TSC1: variants seen among roughly 807,000 people sequenced by gnomAD.
The protein encoded by TSC1 is hamartin.
A neutral mutation model predicts 124.3 loss-of-function variants in TSC1; 20 were observed. The ratio of observed to expected loss-of-function variants is 0.16; its 90% confidence interval spans 0.11 to 0.23. The LOEUF (loss-of-function observed/expected upper bound fraction) is 0.23. TSC1 is among the 10% of genes least tolerant of loss of function. The pLI is 1.00. For synonymous variants in TSC1, 493 were observed against 539.1 expected, an observed-to-expected ratio of 0.91 and a Z score of 1.19; for missense variants, 1,124 against 1,448.5, an observed-to-expected ratio of 0.78 and a Z score of 3.64.
In TSC1 at chr9:132,895,183, C is replaced by T. The variant is rs562950766; in HGVS notation, c.*1052G>A. The stretch of plus-strand genomic sequence containing the variant: ...TAGCCTAGAACCTGCTACAGTGAGG[C>T]AACCCTAATGGCCTGGGAAATGATG... On this transcript the variant is annotated 3_prime_UTR_variant, in exon 23 of 23. Transcript: ENST00000298552. The T allele has an allele frequency of 7.3e-5, 17 of 233,266 alleles. No individual in the cohort carries two copies. In the East Asian group the frequency reaches 9.1e-4, roughly 12 times the overall value. The allele number at this position is 233,266 out of a possible 1,614,324, so 14.4% of individuals were successfully genotyped here.
intron 4 of TSC1, chr9:132,926,970 C>A: frequency 2.0e-6 from 1 of 499,414 alleles, no homozygotes; most frequent in South Asian, 2.0e-5. Context: ...CCACACCCGG[C>A]CCAAACAAGA....
chr9:132,898,929 CCTTTT>C (rs928193639), intron 20 of TSC1: 3 of 152,370 alleles, frequency 2.0e-5, no homozygotes, highest in Non-Finnish European at 2.9e-5. Context: ...GTTTTCTTTT[CCTTTT>C]CTTTTTTTTG....
chr9:132,902,608 T>C lies in TSC1; in HGVS notation c.2388A>G (p.Leu796=). Residue 796 remains leucine (L), a synonymous_variant, in exon 18 of 23, where the codon TTA becomes TTG. Transcript: ENST00000298552. This position sits in a 1 kb window ranked among gnomAD's most constrained non-coding sequence, Gnocchi z 5.2. ...REEFYNQSQE[L]QTKLEDCRNM... is the part of the protein sequence containing the mutation. ...TGCCTGGTGCTGCAGTTTATACCTGTAATTCCTGGCTCTGGTTGTAGAATT... is the reference window on the plus strand; with the variant it reads ...TGCCTGGTGCTGCAGTTTATACCTGCAATTCCTGGCTCTGGTTGTAGAATT... The C allele has an allele frequency of 1.9e-6, 3 of 1,613,940 alleles. No homozygotes were observed. The highest frequency in any genetic ancestry group is 2.5e-6 in the Non-Finnish European group (3 of 1,180,032).
At chr9:132,908,587 C>T (rs1845785297) in intron 12 of TSC1, among the ~76,000 whole-genome samples, 1 of 151,358 alleles carries the variant, frequency 6.6e-6, no homozygotes. Flanking sequence ...TTAGCTGGGA[C>T]TACAGATGCA....
chr9:132,936,761 T>C (rs768726566), intron 1 of TSC1, among the ~76,000 whole-genome samples: 1 of 152,182 alleles, frequency 6.6e-6, no homozygotes, highest in African/African-American at 2.4e-5. Flanking sequence ...TGCTCAGAAC[T>C]GGTAAGATTT....
chr9:132,903,698 G>A lies in TSC1; in HGVS notation c.2161C>T (p.Arg721Cys), dbSNP rs763357144. The A allele has an allele frequency of 8.7e-6, 14 of 1,612,926 alleles. No individual in the cohort carries two copies. The highest frequency in any genetic ancestry group is 3.3e-5 in the Admixed American group (2 of 60,008). ...QHALRNRRLL[R>C]KVIKAAALEE... ...AGAGCTGCTGCTTTGATCACCTTGC[G>A]GAGGAGCCGCCTGTTCCGGAGGGCA... The change falls in exon 17 of 23, where the codon CGC becomes TGC. Residue 721 changes from arginine (R) to cysteine (C), a missense_variant. This residue lies in a region of TSC1 where 321 missense variants were observed against 397.4 expected (regional missense o/e 0.81). Coordinates refer to ENST00000298552, the MANE Select transcript of TSC1 (RefSeq NM_000368.5). The surrounding 1 kb of genome is among the most constrained non-coding windows in gnomAD (Gnocchi z 5.9).
chr9:132,899,782 A>C (rs1195243270), intron 20 of TSC1: 1 of 152,216 alleles, frequency 6.6e-6, no homozygotes, highest in Non-Finnish European at 1.5e-5. Flanking sequence ...GACTCCTTGG[A>C]GGCCGCCCAT....
rs1322586198 is a variant in TSC1, at chr9:132,921,408, G to A, written c.692C>T (p.Pro231Leu). 5.6e-6 allele frequency: 9 copies of A among 1,613,960 alleles called. No homozygotes were observed. Among genetic ancestry groups the A allele is most frequent in the East Asian group, 2.2e-5 (1 of 44,876 alleles). The change falls in exon 8 of 23, where the codon CCG becomes CTG. Residue 231 changes from proline (P) to leucine (L), a missense_variant. Pro to Leu is a moderately conservative substitution (Grantham distance 98, BLOSUM62 -3). Coordinates refer to ENST00000298552, the MANE Select transcript of TSC1 (RefSeq NM_000368.5). This position sits in a 1 kb window ranked among gnomAD's most constrained non-coding sequence, Gnocchi z 4.3. ...KPMMEHVRIH[P>L]ELVTGSKDHE... ...GTCCTTGGATCCAGTCACTAATTCC[G>A]GATGAATTCGCACATGCTCCATCAT...
chr9:132,936,972 T>C (rs935871274), intron 1 of TSC1, among the ~76,000 whole-genome samples: 5 of 152,252 alleles, frequency 3.3e-5, no homozygotes, highest in Non-Finnish European at 7.3e-5. Flanking sequence ...AGAGTAATTA[T>C]ATTTCCACGT....
At chr9:132,925,111 C>T (rs1157613210) in intron 5 of TSC1, 1 of 169,646 alleles carries the variant, frequency 5.9e-6, no homozygotes, top group East Asian at 1.6e-4. Flanking sequence ...TAGAAAAATG[C>T]ACTAAATTTA....
At chr9:132,942,998 T>C (rs1847819458) in intron 1 of TSC1, among the ~76,000 whole-genome samples, 1 of 152,220 alleles carries the variant, frequency 6.6e-6, no homozygotes, top group South Asian at 2.1e-4. Flanking sequence ...CTCAGGAATG[T>C]TCAATTTAAG....
chr9:132,899,608 T>C (rs991395738), intron 20 of TSC1: 2 of 152,284 alleles, frequency 1.3e-5, no homozygotes, highest in African/African-American at 4.8e-5. Flanking sequence ...TTCCAAATAG[T>C]TGGCACTGTA....
In TSC1 at chr9:132,894,773, G is replaced by A. The variant is rs538239408; in HGVS notation, c.*1462C>T. ...GGCACTAAGATTTCGTACCGTGACA[G>A]TTTTTTACCTCTTTATGACTGAATC... On this transcript the variant is annotated 3_prime_UTR_variant, in exon 23 of 23. Transcript: ENST00000298552. The A allele has an allele frequency of 4.5e-6, 1 of 220,442 alleles. No homozygotes were observed. The highest frequency in any genetic ancestry group is 1.9e-4 in the South Asian group (1 of 5,374). The allele number at this position is 220,442 out of a possible 1,614,324, so 13.7% of individuals were successfully genotyped here. A position where few individuals can be genotyped will look rare whatever the true frequency, so the allele number is the denominator to read the frequency against.
At chr9:132,937,441 T>C (rs557038086) in intron 1 of TSC1, among the ~76,000 whole-genome samples, 2 of 152,276 alleles carry the variant, frequency 1.3e-5, no homozygotes, top group African/African-American at 4.8e-5. Flanking sequence ...AAAACTCCGT[T>C]TCAAAATAAA....
chr9:132,899,500 G>C (rs1398853560), intron 20 of TSC1: 1 of 152,258 alleles, frequency 6.6e-6, no homozygotes. Context: ...GTTCTTCACT[G>C]TTAAGCCAGT....
In TSC1 at chr9:132,894,746, T is replaced by C. The variant is rs1456106671; in HGVS notation, c.*1489A>G. Reference sequence around the variant, plus strand: ...TCATTCTCTCTGCTCGAGGCCTCCGTGGGCACTAAGATTTCGTACCGTGAC... The same window carrying C: ...TCATTCTCTCTGCTCGAGGCCTCCGCGGGCACTAAGATTTCGTACCGTGAC... On this transcript the variant is annotated 3_prime_UTR_variant, in exon 23 of 23. Transcript: ENST00000298552. The C allele has an allele frequency of 1.9e-5, 4 of 213,262 alleles. No homozygotes were observed. The highest frequency in any genetic ancestry group is 3.8e-4 in the South Asian group (2 of 5,220). The allele number at this position is 213,262 out of a possible 1,614,324, so 13.2% of individuals were successfully genotyped here.
rs1554813423 is a variant in TSC1 at position 132,897,458 on chromosome 9, C to T, written c.2778G>A (p.Gln926=). The change falls in exon 21 of 23, where the codon CAG becomes CAA. Residue 926 remains glutamine (Q), a synonymous_variant. Transcript: ENST00000298552. ...GTTTGACATCCTCTAGATATTTCTTCTGTTCCAAAAGAAGGTGGTCTTTCT... is the reference window on the plus strand; with the variant it reads ...GTTTGACATCCTCTAGATATTTCTTTTGTTCCAAAAGAAGGTGGTCTTTCT... ...LAKKDHLLLE[Q]KKYLEDVKLQ... The T allele has an allele frequency of 6.2e-7, 1 of 1,614,174 alleles. No homozygotes were observed. Among genetic ancestry groups the T allele is most frequent in the Non-Finnish European group, 8.5e-7 (1 of 1,180,022 alleles).
chr9:132,896,639 C>T lies in TSC1; in HGVS notation c.3091G>A (p.Gly1031Arg), dbSNP rs772043928. ...PRPSSARGSS[G>R]SRGGGGSSSS... ...CTGCTGCCTCCACCACCTCTGCTTC[C>T]ACTACTGCCCCGGGCGCTGCTGGGC... The change falls in exon 23 of 23, where the codon GGA becomes AGA. Residue 1031 changes from glycine to arginine, a missense_variant. Physicochemically the swap from Gly to Arg is moderately radical, Grantham distance 125 (BLOSUM62 -2). Transcript: ENST00000298552. The surrounding 1 kb of genome is among the most constrained non-coding windows in gnomAD (Gnocchi z 4.5). 1 of 1,613,866 alleles carries T rather than the reference C, an allele frequency of 6.2e-7. No homozygotes were observed. The highest frequency in any genetic ancestry group is 8.5e-7 in the Non-Finnish European group (1 of 1,179,862).
rs1234568732 is a variant in TSC1, at chr9:132,902,077, C to T, written c.2392-378G>A. On this transcript the variant is annotated intron_variant, in intron 18 of 22. Coordinates refer to ENST00000298552, the MANE Select transcript of TSC1 (RefSeq NM_000368.5). The surrounding 1 kb of genome is among the most constrained non-coding windows in gnomAD (Gnocchi z 5.2). The stretch of plus-strand genomic sequence containing the variant: ...GAAATGATGCTGTGTCTGTGGATGA[C>T]GTCTTTGTGAAGCCGGGTTTTTTTG... 1.6e-5 allele frequency: 4 copies of T among 247,802 alleles called. No homozygotes were observed. The highest frequency in any genetic ancestry group is 7.9e-6 in the Non-Finnish European group (1 of 126,152). 15.4% of individuals were successfully genotyped at this position (247,802 alleles called of 1,614,324 possible).
Sources: gnomAD v4.1 joint callset for allele counts (sites outside exome capture counted in the v4.1 genomes callset) on GRCh38, gnomAD v4.1.1 for gene constraint, gnomAD v4.1.1 regional missense constraint, Gnocchi (gnomAD v3.1) non-coding constraint, MANE v1.5 for transcripts, NCBI Gene and HGNC (gene_info 2026-07-23, HGNC 2026-07-21) for gene names.